Variants in ATP13A3 observed in about 807,000 individuals in gnomAD.
The protein encoded by ATP13A3 is ATPase 13A3.
Under a neutral mutation model 158.1 loss-of-function variants are expected in ATP13A3, and 59 were observed. The observed-to-expected ratio is 0.37, with a 90% CI of 0.30 to 0.46. The LOEUF (loss-of-function observed/expected upper bound fraction) is 0.46, where lower values mean the gene tolerates loss of function less well. ATP13A3 is among the 20% of genes least tolerant of loss of function. The pLI, the probability that ATP13A3 is intolerant of heterozygous loss-of-function variation, is 1.00. For missense variants in ATP13A3, 1,166 were observed against 1,525.2 expected, an observed-to-expected ratio of 0.76 and a Z score of 3.92; for synonymous variants, 491 against 504.3, an observed-to-expected ratio of 0.97 and a Z score of 0.35.
At chr3:194,440,042 C>T (rs561766815) in intron 16 of ATP13A3, among the ~76,000 whole-genome samples, 18 of 152,242 alleles carry the variant, frequency 1.2e-4, no homozygotes, top group African/African-American at 3.9e-4. Context: ...TCCTCCCTCT[C>T]TCCCTTTCAA....
intron 14 of ATP13A3, 149 bp from the exon 15 acceptor site, chr3:194,444,935 C>G (rs1718296899): frequency 1.8e-6 from 1 of 563,422 alleles, no homozygotes. Flanking sequence ...AAGAAACAGG[C>G]AAGATCCCTG....
rs1162185726 is a variant in ATP13A3, at chr3:194,457,150, A to G, written c.504T>C (p.Cys168=). 6.2e-7 allele frequency: 1 copy of G among 1,613,482 alleles called. No individual in the cohort carries two copies. ...CACTATGCTTTTCATAAATTGACGT[A>G]CAAGAAACACCTTCATCCAGTCCCC... ...FLKGLDEGVS[C]TSIYEKHSAG... The change falls in exon 7 of 34, where the codon TGT becomes TGC. Residue 168 remains cysteine (C), a synonymous_variant. Coordinates refer to ENST00000645319, the MANE Select transcript of ATP13A3 (RefSeq NM_001367549.1).
intron 5 of ATP13A3, 95 bp from the exon 6 acceptor site, chr3:194,459,636 T>C (rs767754010): frequency 9.0e-6 from 10 of 1,113,406 alleles, no homozygotes; most frequent in South Asian, 1.6e-5. Flanking sequence ...TAGGATTATA[T>C]ATAGCATTAT....
intron 16 of ATP13A3, among the ~76,000 whole-genome samples, chr3:194,440,178 C>T (rs1189618838): frequency 1.3e-5 from 2 of 152,074 alleles, no homozygotes; most frequent in African/African-American, 2.4e-5. Context: ...CAAACTGAAA[C>T]CTATGGATGG....
At chr3:194,464,130 C>G (rs1719846323) in intron 2 of ATP13A3, among the ~76,000 whole-genome samples, 1 of 152,222 alleles carries the variant, frequency 6.6e-6, no homozygotes, top group Admixed American at 6.5e-5. Flanking sequence ...CACTGCACTC[C>G]AGCCTGGGCG....
At chr3:194,427,557 G>A (rs111530758) in intron 28 of ATP13A3, among the ~76,000 whole-genome samples, 45 of 151,604 alleles carry the variant, frequency 3.0e-4, no homozygotes, top group African/African-American at 4.4e-4. Context: ...CCAGCAATTT[G>A]GGAGGCCACA....
intron 5 of ATP13A3, 119 bp downstream of exon 5, chr3:194,459,670 T>C (rs1387841713): frequency 6.0e-6 from 7 of 1,173,058 alleles, no homozygotes; most frequent in Non-Finnish European, 7.2e-6. Flanking sequence ...TAATATTTTA[T>C]ATGCAGGTAA....
chr3:194,414,908 T>G (rs1017704298), intron 31 of ATP13A3, among the ~76,000 whole-genome samples: 1 of 152,170 alleles, frequency 6.6e-6, no homozygotes, highest in African/African-American at 2.4e-5. Flanking sequence ...AGTAGTGAGG[T>G]AGGCTCAGGG....
intron 10 of ATP13A3, chr3:194,452,064 TTCAATGGTGGCTA>T (rs1465082925): frequency 6.6e-6 from 1 of 152,378 alleles, no homozygotes; most frequent in Non-Finnish European, 1.5e-5. Context: ...CTTAAAACCC[TTCAATGGTGGCTA>T]TGCATGGTGG....
intron 30 of ATP13A3, among the ~76,000 whole-genome samples, chr3:194,421,807 CAGAG>C (rs1039909058): frequency 2.0e-5 from 3 of 151,668 alleles, no homozygotes; most frequent in African/African-American, 7.3e-5. Context: ...ACATAAATGG[CAGAG>C]AGAAACACGG....
At position 194,425,332 on chromosome 3, in the gene ATP13A3, C is replaced by T. The variant is rs968471588; in HGVS notation, c.3313+10G>A. On this transcript the variant is annotated intron_variant, in intron 30 of 33. Transcript: ENST00000645319. ...AGCAGGGTGGAAATCACAATAAATGCCAAACTTACAATTTTTGTAGCAAGG... is the reference window on the plus strand; with the variant it reads ...AGCAGGGTGGAAATCACAATAAATGTCAAACTTACAATTTTTGTAGCAAGG... 5.0e-6 allele frequency: 8 copies of T among 1,607,996 alleles called. No individual in the cohort carries two copies. Among genetic ancestry groups the T allele is most frequent in the Non-Finnish European group, 6.8e-6 (8 of 1,176,376 alleles).
chr3:194,439,403 ACC>A (rs1359737001), intron 16 of ATP13A3, among the ~76,000 whole-genome samples: 2 of 152,220 alleles, frequency 1.3e-5, no homozygotes, highest in Admixed American at 6.5e-5. Context: ...GGTTAGCAGA[ACC>A]GCTGGGTCAA....
chr3:194,483,317 C>A (rs981901714), intron 2 of ATP13A3, among the ~76,000 whole-genome samples: 2 of 149,158 alleles, frequency 1.3e-5, no homozygotes, highest in African/African-American at 5.0e-5. Context: ...GGACGGGGTG[C>A]AGTGATAAAT....
At chr3:194,433,267 C>T (rs1241157947) in intron 21 of ATP13A3, among the ~76,000 whole-genome samples, 90 of 128,936 alleles carry the variant, frequency 7.0e-4, no homozygotes, top group African/African-American at 2.5e-3. Context: ...GACGGAGTCT[C>T]GCTCTGTCGC....
At chr3:194,434,005 G>A (rs1577051472) in intron 20 of ATP13A3, 109 bp from the exon 21 acceptor site, 2 of 1,180,588 alleles carry the variant, frequency 1.7e-6, no homozygotes, top group South Asian at 1.6e-5. Context: ...AAGTTATAAT[G>A]CAGTTTAAAA....
upstream of ATP13A3, chr3:194,487,768 C>A (rs1471981267): frequency 6.6e-6 from 1 of 152,290 alleles, no homozygotes; most frequent in Admixed American, 6.5e-5. Flanking sequence ...CCTCTGGCTG[C>A]GGCCATCTTT....
intron 33 of ATP13A3, among the ~76,000 whole-genome samples, chr3:194,410,295 GCAAAAAAAAAAAAA>G (rs1715271136): frequency 4.4e-4 from 1 of 2,290 alleles, no homozygotes; most frequent in Non-Finnish European, 3.0e-3. Context: ...CCTCCTCTCT[GCAAAAAAAAAAAAA>G]AAAAAAAAAA....
In ATP13A3 at chr3:194,437,365, C is replaced by T; in HGVS notation, c.1945G>A (p.Ala649Thr). 1 of 1,614,176 alleles carries T rather than the reference C, an allele frequency of 6.2e-7. No individual in the cohort carries two copies. Among genetic ancestry groups the T allele is most frequent in the Non-Finnish European group, 8.5e-7 (1 of 1,180,032 alleles). The stretch of plus-strand genomic sequence containing the variant: ...GCCTCGGGCGCTCCTTTCATGTAGG[C>T]GTCCATTTTCCTATCCCCCAGCACC... ...ARVLGDRKMD[A>T]YMKGAPEAIA... Residue 649 changes from alanine to threonine, a missense_variant, in exon 19 of 34, where the codon GCC becomes ACC. By Grantham distance (58) the Ala-to-Thr change is moderately conservative. This residue lies in a region of ATP13A3 where 997 missense variants were observed against 1,341.2 expected (regional missense o/e 0.74). Transcript: ENST00000645319.
At chr3:194,492,138 C>A (rs1346199764) in intron 2 of ATP13A3, among the ~76,000 whole-genome samples, 1 of 152,154 alleles carries the variant, frequency 6.6e-6, no homozygotes, top group Non-Finnish European at 1.5e-5. Flanking sequence ...CACTGGCACT[C>A]CTCTGCTCTC....
Sources: allele counts gnomAD v4.1 joint callset (sites outside exome capture counted in the v4.1 genomes callset), GRCh38; gene constraint gnomAD v4.1.1; regional missense constraint gnomAD v4.1.1; transcripts MANE v1.5; gene names NCBI Gene and HGNC (gene_info 2026-07-23, HGNC 2026-07-21).